Variants in ADGRD1 observed in about 807,000 individuals in gnomAD.
ADGRD1 encodes G-protein coupled receptor 133.
In ADGRD1, 77 loss-of-function variants were observed where a neutral mutation model predicts 113.4. The ratio of observed to expected loss-of-function variants is 0.68; its 90% confidence interval spans 0.57 to 0.82. The LOEUF is 0.82. Among genes scored for constraint, ADGRD1 ranks in the 40% least tolerant of loss-of-function variants. ADGRD1 has a pLI of 0.00. For missense variants in ADGRD1, 1,036 were observed against 1,139.1 expected, an observed-to-expected ratio of 0.91 and a Z score of 1.30; for synonymous variants, 474 against 475.0, an observed-to-expected ratio of 1.00 and a Z score of 0.03.
intron 21 of ADGRD1, among the ~76,000 whole-genome samples, chr12:131,133,436 C>T (rs984861153): frequency 6.6e-6 from 1 of 152,226 alleles, no homozygotes; most frequent in Admixed American, 6.5e-5. Flanking sequence ...AAATGTCCTC[C>T]AAGCGACAGG....
chr12:130,955,715 A>AT (rs1555232440), intron 2 of ADGRD1, among the ~76,000 whole-genome samples: 4 of 151,858 alleles, frequency 2.6e-5, no homozygotes, highest in Non-Finnish European at 5.9e-5. Flanking sequence ...TTGGCTGGGC[A>AT]CCCCCCCGAG....
intron 11 of ADGRD1, among the ~76,000 whole-genome samples, chr12:131,005,421 CT>C (rs1311624941): frequency 1.3e-5 from 2 of 152,248 alleles, no homozygotes; most frequent in African/African-American, 4.8e-5. Context: ...ACATGTGACC[CT>C]GCTTCATGGC....
In ADGRD1 at chr12:131,057,079, G is replaced by A. The variant is rs921423852; in HGVS notation, c.1474-19722G>A. Among the ~76,000 whole-genome samples the A allele has an allele frequency of 8.5e-5, 13 of 152,172 alleles. No homozygotes were observed. Among genetic ancestry groups the A allele is most frequent in the African/African-American group, 2.4e-4 (10 of 41,428 alleles). On this transcript the variant is annotated intron_variant, in intron 13 of 24. Coordinates refer to ENST00000261654, the MANE Select transcript of ADGRD1 (RefSeq NM_198827.5). This position sits in a 1 kb window ranked among gnomAD's most constrained non-coding sequence, Gnocchi z 4.2. ...CATTGTCCACAATGATTAGAGTAAC[G>A]GGATAAAATTTAGAGAGATGATTTT...
At chr12:131,072,286 G>A (rs1265016082) in intron 13 of ADGRD1, among the ~76,000 whole-genome samples, 3 of 152,158 alleles carry the variant, frequency 2.0e-5, no homozygotes, top group African/African-American at 4.8e-5. Flanking sequence ...ACTGGATGGT[G>A]GGTCTCTTAC....
intron 2 of ADGRD1, among the ~76,000 whole-genome samples, chr12:130,960,810 TG>T (rs1442450056): frequency 2.0e-5 from 3 of 151,884 alleles, no homozygotes; most frequent in African/African-American, 7.3e-5. Context: ...CAATAGTAAA[TG>T]CCATGAGAAA....
intron 13 of ADGRD1, among the ~76,000 whole-genome samples, chr12:131,068,808 A>G (rs980416643): frequency 6.6e-6 from 1 of 152,226 alleles, no homozygotes; most frequent in Non-Finnish European, 1.5e-5. Context: ...AAAAGAAACA[A>G]CCTTTAAATT....
At position 131,099,351 on chromosome 12, in the gene ADGRD1, G is replaced by A. The variant is rs78751091; in HGVS notation, c.1672-5480G>A. ...AAGGCTGTGTGCAGGTCGTGGTGGA[G>A]TCAACATTTAACACAGGTTGCAGGG... On this transcript the variant is annotated intron_variant, in intron 15 of 24. Coordinates refer to ENST00000261654, the MANE Select transcript of ADGRD1 (RefSeq NM_198827.5). Among the ~76,000 whole-genome samples the A allele has an allele frequency of 6.8e-3, 1,033 of 152,280 alleles. 11 individuals are homozygous for A. The highest frequency in any genetic ancestry group is 0.024 in the African/African-American group (986 of 41,552).
At chr12:131,044,774 G>C (rs1374423738) in intron 13 of ADGRD1, among the ~76,000 whole-genome samples, 1 of 152,260 alleles carries the variant, frequency 6.6e-6, no homozygotes, top group Non-Finnish European at 1.5e-5. Flanking sequence ...CGCTGCCAGT[G>C]TGGTTCTGAG....
At chr12:131,062,361 C>G (rs936425086) in intron 13 of ADGRD1, among the ~76,000 whole-genome samples, 5 of 152,194 alleles carry the variant, frequency 3.3e-5, no homozygotes, top group African/African-American at 1.2e-4. Context: ...CTGACTATTA[C>G]TAATAAAGCT....
chr12:131,003,309 G>A lies in ADGRD1; in HGVS notation c.1144+7G>A. 1 of 1,600,774 alleles carries A rather than the reference G, an allele frequency of 6.2e-7. No individual in the cohort carries two copies. Among genetic ancestry groups the A allele is most frequent in the Middle Eastern group, 1.7e-4 (1 of 6,036 alleles). Reference sequence around the variant, plus strand: ...GGCTCCTCTGCCATGGCAGGTAGCTGTCGCTTGTAAGGGTGAGCCACATGG... The same window carrying A: ...GGCTCCTCTGCCATGGCAGGTAGCTATCGCTTGTAAGGGTGAGCCACATGG... On this transcript the variant is annotated splice_region_variant and intron_variant, in intron 10 of 24. Coordinates refer to ENST00000261654, the MANE Select transcript of ADGRD1 (RefSeq NM_198827.5). This position sits in a 1 kb window ranked among gnomAD's most constrained non-coding sequence, Gnocchi z 4.8.
At chr12:131,014,843 C>T (rs973889348) in intron 13 of ADGRD1, among the ~76,000 whole-genome samples, 10 of 152,174 alleles carry the variant, frequency 6.6e-5, no homozygotes, top group Non-Finnish European at 1.5e-4. Context: ...TTGTTTTTGC[C>T]AGTGAGTAGG....
chr12:131,099,292 C>T (rs560529395), intron 15 of ADGRD1, among the ~76,000 whole-genome samples: 8 of 152,370 alleles, frequency 5.3e-5, no homozygotes. Flanking sequence ...CTCTCCCCCT[C>T]CTTCAGATCA....
At chr12:131,098,563 T>C (rs917169858) in intron 15 of ADGRD1, among the ~76,000 whole-genome samples, 1 of 152,002 alleles carries the variant, frequency 6.6e-6, no homozygotes, top group African/African-American at 2.4e-5. Context: ...GAAAGAGGAT[T>C]GGGACAGATG....
chr12:130,972,219 A>T (rs1871751518), intron 4 of ADGRD1, among the ~76,000 whole-genome samples: 1 of 152,156 alleles, frequency 6.6e-6, no homozygotes, highest in Non-Finnish European at 1.5e-5. Flanking sequence ...TCTGGATCAC[A>T]TTGCAAATTT....
intron 13 of ADGRD1, among the ~76,000 whole-genome samples, chr12:131,037,821 C>G (rs1881682399): frequency 8.0e-6 from 1 of 125,468 alleles, no homozygotes; most frequent in Admixed American, 8.0e-5. Flanking sequence ...GGATCTTACT[C>G]ACTGCATGGG....
At chr12:130,997,172 GCCGGGCGGGGGGCTGACCCCCCCCC>G (rs1437109364) in intron 8 of ADGRD1, among the ~76,000 whole-genome samples, 9 of 133,858 alleles carry the variant, frequency 6.7e-5, no homozygotes, top group African/African-American at 2.3e-4. Flanking sequence ...GGGGCGGCTT[GCCGGGCGGGGGGCTGACCCCCCCCC>G]CCGGACGGGG....
chr12:131,090,183 G>C (rs1319849921), intron 15 of ADGRD1, among the ~76,000 whole-genome samples: 1 of 152,176 alleles, frequency 6.6e-6, no homozygotes, highest in Non-Finnish European at 1.5e-5. Flanking sequence ...TTCATTGCCA[G>C]AAAAGGTTGA....
chr12:130,975,940 C>G (rs963430211), intron 4 of ADGRD1, among the ~76,000 whole-genome samples: 1 of 152,192 alleles, frequency 6.6e-6, no homozygotes, highest in Non-Finnish European at 1.5e-5. Flanking sequence ...TCAGCTTCAC[C>G]TTCCTCCCTC....
Position 130,984,941 on chromosome 12 carries a change from CTT to C in ADGRD1, c.491-2152_491-2151del, listed in dbSNP as rs1430143320. On this transcript the variant is annotated intron_variant, in intron 5 of 24. Coordinates refer to ENST00000261654, the MANE Select transcript of ADGRD1 (RefSeq NM_198827.5). The surrounding 1 kb of genome is among the most constrained non-coding windows in gnomAD (Gnocchi z 4.1). ...TCTCTCCTCTCTTCTCTCTTTCTCT[CTT>C]TCTTTCTTTTTCTTTCTGACAGGAT... is the stretch of plus-strand genomic sequence containing the variant. Among the ~76,000 whole-genome samples the C allele has an allele frequency of 7.3e-5, 11 of 150,866 alleles. No individual in the cohort carries two copies. Among genetic ancestry groups the C allele is most frequent in the African/African-American group, 2.4e-4 (10 of 40,880 alleles).
Sources: allele counts gnomAD v4.1 joint callset (sites outside exome capture counted in the v4.1 genomes callset), GRCh38; gene constraint gnomAD v4.1.1; non-coding constraint Gnocchi (gnomAD v3.1); transcripts MANE v1.5; gene names NCBI Gene and HGNC (gene_info 2026-07-23, HGNC 2026-07-21).